TMEM47: variants seen among roughly 807,000 people sequenced by gnomAD.
TMEM47 encodes the protein transmembrane protein 47.
In TMEM47, 3 loss-of-function variants were observed where a neutral mutation model predicts 12.4. The observed-to-expected ratio is 0.24, with a 90% CI of 0.11 to 0.63. The LOEUF is 0.63. Ranked by LOEUF, TMEM47 falls within the 20% of genes least tolerant of loss-of-function variation. The pLI, the probability that TMEM47 is intolerant of heterozygous loss-of-function variation, is 0.86. For synonymous variants in TMEM47, 62 were observed against 63.3 expected (o/e 0.98, Z 0.10); for missense variants, 89 against 143.8 (o/e 0.62, Z 1.95).
At chrX:34,636,835 A>G (rs913328705) in intron 2 of TMEM47, among the ~76,000 whole-genome samples, 2 of 111,400 alleles carry the variant, frequency 1.8e-5, no homozygotes, top group South Asian at 3.9e-4. Flanking sequence ...ACTGCAGTGC[A>G]CAGTTGGCAA....
chrX:34,649,339 G>A (rs150153434), intron 1 of TMEM47, among the ~76,000 whole-genome samples: 274 of 111,606 alleles, frequency 2.5e-3, no homozygotes, highest in Non-Finnish European at 3.6e-3. Context: ...AAAGTGTAGC[G>A]CATATACACC....
chrX:34,630,307 T>C lies in TMEM47; in HGVS notation c.*6A>G, dbSNP rs1921591652. 12 of 1,183,848 alleles carry C rather than the reference T, an allele frequency of 1.0e-5. No individual in the cohort carries two copies. Among genetic ancestry groups the C allele is most frequent in the Non-Finnish European group, 1.4e-5 (12 of 879,408 alleles). On this transcript the variant is annotated 3_prime_UTR_variant, in exon 3 of 3. Transcript: ENST00000275954. ...GGTGGTTGTTTTTACTTTGAGACTA[T>C]TGGTTCTAGTAGTAGTCTTCATAGT... is the stretch of plus-strand genomic sequence containing the variant.
At chrX:34,651,914 T>C (rs1017039232) in intron 1 of TMEM47, among the ~76,000 whole-genome samples, 1 of 112,490 alleles carries the variant, frequency 8.9e-6, no homozygotes, top group African/African-American at 3.2e-5. Context: ...AATGCAGAGA[T>C]TTTACTACTT....
chrX:34,630,000 T>A lies in TMEM47; in HGVS notation c.*313A>T, dbSNP rs1921583952. 1 of 169,814 alleles carries A rather than the reference T, an allele frequency of 5.9e-6. No homozygotes were observed. Among genetic ancestry groups the A allele is most frequent in the Admixed American group, 7.6e-5 (1 of 13,238 alleles). 14.0% of individuals were successfully genotyped at this position (169,814 alleles called of 1,213,427 possible). A position where few individuals can be genotyped will look rare whatever the true frequency, so the allele number is the denominator to read the frequency against. ...GCAGGCAATAGGAGATTGAGGCAAA[T>A]CTCATTCCAACTAGTTTCTCACAAT... On this transcript the variant is annotated 3_prime_UTR_variant, in exon 3 of 3. Transcript: ENST00000275954.
Position 34,628,443 on chromosome X carries a change from T to C in TMEM47, c.*1870A>G, listed in dbSNP as rs1208699047. On this transcript the variant is annotated 3_prime_UTR_variant, in exon 3 of 3. Coordinates refer to ENST00000275954, the MANE Select transcript of TMEM47 (RefSeq NM_031442.4). ...AAGGTTTCTGTCTGTGATGTATTTATTCGCTTTTGTCTATCATTGCTAAAG... is the reference window on the plus strand; with the variant it reads ...AAGGTTTCTGTCTGTGATGTATTTACTCGCTTTTGTCTATCATTGCTAAAG... The C allele has an allele frequency of 1.8e-5, 2 of 112,119 alleles. No homozygotes were observed. The highest frequency in any genetic ancestry group is 3.8e-5 in the Non-Finnish European group (2 of 53,114). 9.2% of individuals were successfully genotyped at this position (112,119 alleles called of 1,213,427 possible).
intron 1 of TMEM47, among the ~76,000 whole-genome samples, chrX:34,652,310 T>C (rs934439749): frequency 2.7e-5 from 3 of 112,101 alleles, no homozygotes; most frequent in Admixed American, 1.9e-4. Context: ...CAGAGACACA[T>C]TTTGAAGCAT....
chrX:34,656,542 A>G (rs1922110587), intron 1 of TMEM47, among the ~76,000 whole-genome samples: 1 of 110,454 alleles, frequency 9.1e-6, no homozygotes, highest in African/African-American at 3.3e-5. Flanking sequence ...CGTACGTGTT[A>G]CTCCAGAACA....
chrX:34,646,988 C>T (rs984562353), intron 1 of TMEM47, among the ~76,000 whole-genome samples: 7 of 111,535 alleles, frequency 6.3e-5, no homozygotes, highest in African/African-American at 2.0e-4. Context: ...TCACTACCTT[C>T]CACGATGCCT....
At chrX:34,634,908 T>C (rs1311686146) in intron 2 of TMEM47, among the ~76,000 whole-genome samples, 2 of 112,302 alleles carry the variant, frequency 1.8e-5, no homozygotes, top group African/African-American at 6.5e-5. Context: ...TACCATAGTG[T>C]TTCATAAAGT....
chrX:34,635,040 T>C (rs1921690947), intron 2 of TMEM47, among the ~76,000 whole-genome samples: 1 of 111,854 alleles, frequency 8.9e-6, no homozygotes, highest in Non-Finnish European at 1.9e-5. Flanking sequence ...TGACTTCCAA[T>C]TGCCAGCACC....
At chrX:34,635,569 G>A (rs753493019) in intron 2 of TMEM47, among the ~76,000 whole-genome samples, 4 of 111,109 alleles carry the variant, frequency 3.6e-5, no homozygotes, top group East Asian at 5.6e-4. Flanking sequence ...CATTCAGTGT[G>A]TGGGGACCTG....
At chrX:34,653,277 G>A (rs186582647) in intron 1 of TMEM47, among the ~76,000 whole-genome samples, 54 of 111,823 alleles carry the variant, frequency 4.8e-4, no homozygotes, top group Non-Finnish European at 5.1e-4. Flanking sequence ...AATGACTCAC[G>A]TTACAAATGC....
chrX:34,656,757 G>A (rs779546668), intron 1 of TMEM47, 47 bp downstream of exon 1: 21 of 1,145,675 alleles, frequency 1.8e-5, no homozygotes, highest in South Asian at 4.1e-5. Context: ...TGGGGCGCGG[G>A]GCAGTCCGGG....
intron 2 of TMEM47, among the ~76,000 whole-genome samples, chrX:34,636,122 A>T (rs1921711876): frequency 8.9e-6 from 1 of 111,895 alleles, no homozygotes; most frequent in African/African-American, 3.2e-5. Context: ...TAATCTAAAT[A>T]TCCTGAATAG....
At chrX:34,646,957 G>T (rs1342028232) in intron 1 of TMEM47, among the ~76,000 whole-genome samples, 1 of 111,250 alleles carries the variant, frequency 9.0e-6, no homozygotes, top group African/African-American at 3.3e-5. Flanking sequence ...GACACCATTT[G>T]TTTCACCCAT....
At chrX:34,646,301 T>A (rs1218964528) in intron 1 of TMEM47, among the ~76,000 whole-genome samples, 1 of 112,049 alleles carries the variant, frequency 8.9e-6, no homozygotes, top group Non-Finnish European at 1.9e-5. Context: ...TAATTAATAA[T>A]CTAAACACAA....
chrX:34,642,202 C>T (rs1921830646), intron 1 of TMEM47, among the ~76,000 whole-genome samples: 1 of 112,619 alleles, frequency 8.9e-6, no homozygotes, highest in Admixed American at 9.4e-5. Context: ...TTGGTTTGGA[C>T]TCCATGGCTG....
At chrX:34,649,874 C>T (rs1408127858) in intron 1 of TMEM47, among the ~76,000 whole-genome samples, 1 of 110,483 alleles carries the variant, frequency 9.1e-6, no homozygotes, top group Admixed American at 9.6e-5. Context: ...TACAGGAGCC[C>T]GCAACCACGT....
At chrX:34,632,192 G>T (rs1023127605) in intron 2 of TMEM47, among the ~76,000 whole-genome samples, 1 of 111,685 alleles carries the variant, frequency 9.0e-6, no homozygotes, top group East Asian at 2.8e-4. Flanking sequence ...ATTTTAGGGG[G>T]TAAAATAATT....
Sources: gnomAD v4.1 joint callset for allele counts (sites outside exome capture counted in the v4.1 genomes callset) on GRCh38, gnomAD v4.1.1 for gene constraint, MANE v1.5 for transcripts, NCBI Gene and HGNC (gene_info 2026-07-23, HGNC 2026-07-21) for gene names.